SGCD: variants seen among roughly 807,000 people sequenced by gnomAD.
SGCD encodes the protein delta-sarcoglycan.
A neutral mutation model predicts 36.6 loss-of-function variants in SGCD; 18 were observed. That is an observed-to-expected ratio of 0.49 (90% CI 0.34 to 0.73). The LOEUF (loss-of-function observed/expected upper bound fraction) is 0.73, where lower values mean the gene tolerates loss of function less well. SGCD is among the 30% of genes least tolerant of loss of function. The pLI is 0.01. For missense variants in SGCD, 387 were observed against 346.7 expected (o/e 1.12, Z -0.92); for synonymous variants, 133 against 130.6 (o/e 1.02, Z -0.12).
chr5:156,662,040 A>G (rs1189445001), intron 7 of SGCD, among the ~76,000 whole-genome samples: 2 of 142,244 alleles, frequency 1.4e-5, no homozygotes, highest in Non-Finnish European at 3.0e-5. Context: ...CGCTGACTGA[A>G]TTTTTTCTTC....
intron 7 of SGCD, among the ~76,000 whole-genome samples, chr5:156,647,974 A>C (rs183879524): frequency 3.0e-4 from 45 of 152,304 alleles, no homozygotes; most frequent in Admixed American, 2.6e-3. Flanking sequence ...CCCCTTCTGC[A>C]GATGTTCCAG....
At chr5:156,635,601 T>C (rs4295372) in intron 6 of SGCD, among the ~76,000 whole-genome samples, 39,459 of 151,834 alleles carry the variant, frequency 0.26, 5,471 homozygotes, top group African/African-American at 0.36. Context: ...TTTATTGCAG[T>C]ACTATTCACA....
the SGCD span, among the ~76,000 whole-genome samples, chr5:155,805,255 G>C: frequency 6.6e-6 from 1 of 152,108 alleles, no homozygotes; most frequent in Non-Finnish European, 1.5e-5. Flanking sequence ...CACTTCTATA[G>C]ATATCTGTTA....
At chr5:156,604,801 A>ACACATTTTATATGTATAATATATG (rs1761357456) in intron 6 of SGCD, among the ~76,000 whole-genome samples, 1 of 30,810 alleles carries the variant, frequency 3.2e-5, no homozygotes, top group Non-Finnish European at 8.9e-5. Context: ...TATAATATAT[A>ACACATTTTATATGTATAATATATG]TAAATTATAC....
At chr5:156,391,481 G>T (rs948255057) in intron 3 of SGCD, among the ~76,000 whole-genome samples, 2 of 152,058 alleles carry the variant, frequency 1.3e-5, no homozygotes, top group Non-Finnish European at 2.9e-5. Flanking sequence ...AAACAAAAAA[G>T]AAAAGAAAAA....
At chr5:156,079,766 T>C (rs2127591212) in intron 1 of SGCD, among the ~76,000 whole-genome samples, 1 of 152,298 alleles carries the variant, frequency 6.6e-6, no homozygotes, top group South Asian at 2.1e-4. Context: ...TGCCTTTACA[T>C]ATTTTAGCTT....
the SGCD span, among the ~76,000 whole-genome samples, chr5:155,768,544 G>A: frequency 1.3e-5 from 2 of 152,282 alleles, no homozygotes; most frequent in East Asian, 3.9e-4. Flanking sequence ...CAAAGGCTGT[G>A]AGAGCACCCA....
intron 2 of SGCD, among the ~76,000 whole-genome samples, chr5:156,330,022 A>C (rs1007409857): frequency 8.1e-4 from 122 of 149,874 alleles, no homozygotes; most frequent in African/African-American, 2.9e-3. Context: ...GTCTCAAAAA[A>C]AAAAAAAAAA....
At chr5:156,093,503 G>A (rs560101955) in intron 1 of SGCD, among the ~76,000 whole-genome samples, 2 of 152,292 alleles carry the variant, frequency 1.3e-5, no homozygotes, top group African/African-American at 4.8e-5. Context: ...AGAATTCAGA[G>A]GGATCCTCAT....
At chr5:156,440,547 T>A (rs1753441212) in intron 3 of SGCD, among the ~76,000 whole-genome samples, 1 of 152,196 alleles carries the variant, frequency 6.6e-6, no homozygotes. Flanking sequence ...TACTATTTTC[T>A]GTTATGGCTG....
intron 4 of SGCD, among the ~76,000 whole-genome samples, chr5:156,561,849 C>G (rs1289137266): frequency 1.3e-5 from 2 of 152,080 alleles, no homozygotes; most frequent in Non-Finnish European, 2.9e-5. Flanking sequence ...CATTCATGAT[C>G]TTGGATAAAT....
intron 3 of SGCD, among the ~76,000 whole-genome samples, chr5:156,294,908 A>C (rs1364251699): frequency 6.6e-6 from 1 of 152,160 alleles, no homozygotes; most frequent in African/African-American, 2.4e-5. Flanking sequence ...TAATTTTTGC[A>C]TTAATATTCA....
At chr5:156,515,970 G>C (rs569762873) in intron 4 of SGCD, among the ~76,000 whole-genome samples, 2 of 152,366 alleles carry the variant, frequency 1.3e-5, no homozygotes, top group South Asian at 4.1e-4. Flanking sequence ...GGGCCTCCCT[G>C]TGGGAATTTC....
At chr5:155,848,264 C>T in the SGCD span, among the ~76,000 whole-genome samples, 1 of 152,016 alleles carries the variant, frequency 6.6e-6, no homozygotes, top group Non-Finnish European at 1.5e-5. Context: ...ATTGAGTGAG[C>T]CTTTTAGTAC....
chr5:156,422,644 C>A (rs1773368108), intron 3 of SGCD, among the ~76,000 whole-genome samples: 1 of 151,946 alleles, frequency 6.6e-6, no homozygotes, highest in African/African-American at 2.4e-5. Flanking sequence ...ATATATAAAG[C>A]AGGGTTTCTC....
chr5:156,332,231 C>A (rs1053436488), intron 2 of SGCD, among the ~76,000 whole-genome samples: 3 of 152,182 alleles, frequency 2.0e-5, no homozygotes, highest in African/African-American at 7.2e-5. Context: ...AACCCAAAGG[C>A]TTGGACTATA....
chr5:155,846,489 C>T, the SGCD span, among the ~76,000 whole-genome samples: 1 of 152,144 alleles, frequency 6.6e-6, no homozygotes, highest in East Asian at 1.9e-4. Context: ...TTCTTTAGCT[C>T]TGCCTTCTGG....
At chr5:156,038,965 G>A (rs953973908) in intron 1 of SGCD, among the ~76,000 whole-genome samples, 1 of 152,064 alleles carries the variant, frequency 6.6e-6, no homozygotes, top group Admixed American at 6.6e-5. Context: ...TGTCACCAGG[G>A]CCACCTGCTT....
intron 7 of SGCD, among the ~76,000 whole-genome samples, chr5:156,720,825 C>T (rs1426752606): frequency 2.0e-5 from 3 of 152,190 alleles, no homozygotes; most frequent in Non-Finnish European, 4.4e-5. Context: ...TACATTCTGG[C>T]TTCTGTGAGG....
Sources: allele counts gnomAD v4.1 joint callset (sites outside exome capture counted in the v4.1 genomes callset), GRCh38; gene constraint gnomAD v4.1.1; transcripts MANE v1.5; gene names NCBI Gene and HGNC (gene_info 2026-07-23, HGNC 2026-07-21).